Variants in KDM6B observed in about 807,000 individuals in gnomAD.
The protein encoded by KDM6B is lysine-specific demethylase 6B.
KDM6B carries 22 observed loss-of-function variants against 150.4 expected under a neutral mutation model. The observed-to-expected ratio is 0.15, with a 90% CI of 0.10 to 0.21. KDM6B has a LOEUF of 0.21. Ranked by LOEUF, KDM6B falls within the 10% of genes least tolerant of loss-of-function variation. The pLI is 1.00. For synonymous variants in KDM6B, 1,148 were observed against 921.1 expected (o/e 1.25, Z -4.46); for missense variants, 1,984 against 2,234.3 (o/e 0.89, Z 2.26).
Position 7,853,036 on chromosome 17 carries a change from G to A in KDM6B, c.4647G>A (p.Val1549=). The A allele has an allele frequency of 3.1e-6, 5 of 1,614,076 alleles. No homozygotes were observed. Among genetic ancestry groups the A allele is most frequent in the Non-Finnish European group, 3.4e-6 (4 of 1,180,022 alleles). ...CLLQSMKHCQ[V]QRESLVRAGK... is the part of the protein sequence containing the mutation. Reference sequence around the variant, plus strand: ...TGCAGTCCATGAAGCACTGCCAGGTGCAACGCGAGAGCCTGGTGCGGGCAG... The same window carrying A: ...TGCAGTCCATGAAGCACTGCCAGGTACAACGCGAGAGCCTGGTGCGGGCAG... Residue 1549 remains valine (V), a synonymous_variant, in exon 22 of 24, where the codon GTG becomes GTA. Coordinates refer to ENST00000448097, the MANE Select transcript of KDM6B (RefSeq NM_001348716.2).
Position 7,843,659 on chromosome 17 carries a change from GGC to G in KDM6B, c.-268-1239_-268-1238del, listed in dbSNP as rs925868253. Among the ~76,000 whole-genome samples the G allele has an allele frequency of 6.6e-6, 1 of 151,880 alleles. No individual in the cohort carries two copies. The highest frequency in any genetic ancestry group is 2.4e-5 in the African/African-American group (1 of 41,358). On this transcript the variant is annotated intron_variant, in intron 2 of 23. Coordinates refer to ENST00000448097, the MANE Select transcript of KDM6B (RefSeq NM_001348716.2). This position sits in a 1 kb window ranked among gnomAD's most constrained non-coding sequence, Gnocchi z 4.5. ...CGCACTCTCCCCCGGCTTCCTGCCC[GGC>G]GCTCGCTCCAGCTGGAGCGCTGGCC...
In KDM6B at chr17:7,847,481, G is replaced by T. The variant is rs568432440; in HGVS notation, c.1257+29G>T. ...AGTGACAACTGAGGGTGGAGGGGGG[G>T]ATGGGTGGAGCTTGTCTTGAGGCAG... On this transcript the variant is annotated intron_variant, in intron 11 of 23. Transcript: ENST00000448097. 5 of 1,613,408 alleles carry T rather than the reference G, an allele frequency of 3.1e-6. No homozygotes were observed. In the South Asian group the frequency reaches 4.4e-5, roughly 14 times the overall value.
At position 7,847,703 on chromosome 17, in the gene KDM6B, C is replaced by A; in HGVS notation, c.1415C>A (p.Pro472His). 6.5e-7 allele frequency: 1 copy of A among 1,542,708 alleles called. No homozygotes were observed. The highest frequency in any genetic ancestry group is 8.8e-7 in the Non-Finnish European group (1 of 1,142,768). The change falls in exon 12 of 24, where the codon CCC becomes CAC. Residue 472 changes from proline (P) to histidine (H), a missense_variant. Coordinates refer to ENST00000448097, the MANE Select transcript of KDM6B (RefSeq NM_001348716.2). ...PPGPSSPPPP[P>H]CPRLLRPPPP... The stretch of plus-strand genomic sequence containing the variant: ...GGACCTTCCTCACCCCCTCCACCCC[C>A]CTGTCCCCGCCTCTTACGCCCCCCA...
Position 7,853,176 on chromosome 17 carries a change from C to T in KDM6B, c.4738-34C>T, listed in dbSNP as rs2078737288. ...TCCCTGAGTGTCCACAGTGGCCCTC[C>T]CTCCCCCTGACTGCACTGTCCTCCC... On this transcript the variant is annotated intron_variant, in intron 22 of 23. Coordinates refer to ENST00000448097, the MANE Select transcript of KDM6B (RefSeq NM_001348716.2). 6 of 1,613,906 alleles carry T rather than the reference C, an allele frequency of 3.7e-6. No individual in the cohort carries two copies. The Middle Eastern group carries it at 6.6e-4, about 178-fold the overall frequency.
chr17:7,846,381 C>CCGG lies in KDM6B; in HGVS notation c.457-19_457-18insCGG. 1 of 1,529,376 alleles carries CCGG rather than the reference C, an allele frequency of 6.5e-7. No homozygotes were observed. Among genetic ancestry groups the CCGG allele is most frequent in the Non-Finnish European group, 8.9e-7 (1 of 1,123,084 alleles). The allele number at this position is 1,529,376 out of a possible 1,614,324, so 94.7% of individuals were successfully genotyped here. A position where few individuals can be genotyped will look rare whatever the true frequency, so the allele number is the denominator to read the frequency against. ...CCCCACCTGACATCTGCCCCTGCCC[C>CCGG]GTGTCCCCCCACCCCCAGGCCCAGC... is the stretch of plus-strand genomic sequence containing the variant. On this transcript the variant is annotated intron_variant, in intron 7 of 23. Coordinates refer to ENST00000448097, the MANE Select transcript of KDM6B (RefSeq NM_001348716.2).
In KDM6B at chr17:7,849,163, AAGG is replaced by A. The variant is rs756244652; in HGVS notation, c.2882_2884del (p.Glu961del). ...GCGACTGCTGCCCCCCGCACAGGCCAAGGAGGAGGCTGGCGGGGTGGCGGCAGT... is the reference window on the plus strand; with the variant it reads ...GCGACTGCTGCCCCCCGCACAGGCCAAGGAGGCTGGCGGGGTGGCGGCAGT... On this transcript the variant is annotated inframe_deletion, in exon 12 of 24. Transcript: ENST00000448097. 1 of 1,611,174 alleles carries A rather than the reference AAGG, an allele frequency of 6.2e-7. No homozygotes were observed. Among genetic ancestry groups the A allele is most frequent in the Non-Finnish European group, 8.5e-7 (1 of 1,179,312 alleles).
chr17:7,851,622 C>G, intron 17 of KDM6B, 26 bp from the exon 18 acceptor site: 1 of 1,600,786 alleles, frequency 6.2e-7, no homozygotes, highest in Non-Finnish European at 8.5e-7. Context: ...CGGGGTGTAG[C>G]CTCTCGTCGC....
Position 7,854,743 on chromosome 17 carries a change from T to G in KDM6B, c.*1222T>G. On this transcript the variant is annotated 3_prime_UTR_variant, in exon 24 of 24. Coordinates refer to ENST00000448097, the MANE Select transcript of KDM6B (RefSeq NM_001348716.2). ...GGGTCTTCCCAACCCTACCCCTATT[T>G]TCGGTGATTTTTGTGTGAGAATATT... is the stretch of plus-strand genomic sequence containing the variant. The G allele has an allele frequency of 3.7e-6, 1 of 269,926 alleles. No individual in the cohort carries two copies. The highest frequency in any genetic ancestry group is 2.2e-5 in the African/African-American group (1 of 44,972). The allele number at this position is 269,926 out of a possible 1,614,324, so 16.7% of individuals were successfully genotyped here. A position where few individuals can be genotyped will look rare whatever the true frequency, so the allele number is the denominator to read the frequency against.
In KDM6B at chr17:7,842,060, C is replaced by T. The variant is rs564836874; in HGVS notation, c.-269+2036C>T. Reference sequence around the variant, plus strand: ...GGCTAGGTAAAACCCTATCTGCGGGCTCTTGTCTCTGGCCGTCACGTGAGT... The same window carrying T: ...GGCTAGGTAAAACCCTATCTGCGGGTTCTTGTCTCTGGCCGTCACGTGAGT... On this transcript the variant is annotated intron_variant, in intron 2 of 23. Transcript: ENST00000448097. Among the ~76,000 whole-genome samples the T allele has an allele frequency of 1.2e-3, 186 of 152,380 alleles. 2 individuals carry two copies. The highest frequency in any genetic ancestry group is 4.4e-3 in the African/African-American group (183 of 41,606).
At position 7,854,695 on chromosome 17, in the gene KDM6B, G is replaced by C. The variant is rs533962815; in HGVS notation, c.*1174G>C. ...CAGTCCCGCACCCTCGCACTGCACT[G>C]TCTCTCTGCCCCAGGGGCAGAGGGG... On this transcript the variant is annotated 3_prime_UTR_variant, in exon 24 of 24. Transcript: ENST00000448097. 4.2e-5 allele frequency: 9 copies of C among 213,712 alleles called. No homozygotes were observed. Among genetic ancestry groups the C allele is most frequent in the South Asian group, 1.9e-4 (3 of 15,608 alleles). 13.2% of individuals were successfully genotyped at this position (213,712 alleles called of 1,614,324 possible).
chr17:7,837,530 G>A (rs527926455), intron 1 of KDM6B, among the ~76,000 whole-genome samples: 1 of 152,108 alleles, frequency 6.6e-6, no homozygotes. Context: ...GGAATGAATC[G>A]GTTTGTGCTT....
In KDM6B at chr17:7,853,293, G is replaced by T; in HGVS notation, c.4821G>T (p.Arg1607=). The T allele has an allele frequency of 6.2e-7, 1 of 1,604,162 alleles. No individual in the cohort carries two copies. Among genetic ancestry groups the T allele is most frequent in the Non-Finnish European group, 8.5e-7 (1 of 1,176,104 alleles). ...TYLVHCEGCA[R]RRSAGLQGVV... ...TGGTACACTGCGAGGGCTGTGCCCG[G>T]CGCCGCAGCGCAGGCCTGCAGGGCG... The change falls in exon 23 of 24, where the codon CGG becomes CGT. Residue 1607 remains arginine, a synonymous_variant. Coordinates refer to ENST00000448097, the MANE Select transcript of KDM6B (RefSeq NM_001348716.2).
chr17:7,850,238 C>T (rs1262310338), intron 14 of KDM6B, 61 bp downstream of exon 14: 34 of 1,370,900 alleles, frequency 2.5e-5, no homozygotes, highest in Non-Finnish European at 3.5e-5. Flanking sequence ...ATGTAGGACC[C>T]TCTGAGAAAT....
rs745665922 is a variant in KDM6B at position 7,849,186 on chromosome 17, G to A, written c.2898G>A (p.Ala966=). ...CCAAGGAGGAGGCTGGCGGGGTGGC[G>A]GCAGTGTCAGGCAGCTGTAAGCGGC... ...AQAKEEAGGV[A]AVSGSCKRRQ... The change falls in exon 12 of 24, where the codon GCG becomes GCA. Residue 966 remains alanine, a synonymous_variant. Coordinates refer to ENST00000448097, the MANE Select transcript of KDM6B (RefSeq NM_001348716.2). 9 of 1,605,870 alleles carry A rather than the reference G, an allele frequency of 5.6e-6. No homozygotes were observed. The highest frequency in any genetic ancestry group is 2.7e-5 in the African/African-American group (2 of 74,768).
At position 7,847,936 on chromosome 17, in the gene KDM6B, A is replaced by G. The variant is rs1361566141; in HGVS notation, c.1648A>G (p.Thr550Ala). 1.9e-6 allele frequency: 3 copies of G among 1,563,884 alleles called. No individual in the cohort carries two copies. Among genetic ancestry groups the G allele is most frequent in the South Asian group, 1.1e-5 (1 of 89,998 alleles). Reference sequence around the variant, plus strand: ...CACCCCTCCCACTCCCCCAACCCCAACCACCAGCAGTAGCAACAGCAACAG... The same window carrying G: ...CACCCCTCCCACTCCCCCAACCCCAGCCACCAGCAGTAGCAACAGCAACAG... Reference protein sequence around the residue: ...SHTPPTPPTPTTSSSNSNSGS... With the variant: ...SHTPPTPPTPATSSSNSNSGS... The change falls in exon 12 of 24, where the codon ACC (threonine) becomes GCC (alanine). Residue 550 changes from threonine (T) to alanine (A), a missense_variant. Around this residue, in one of 13 missense-constraint regions of KDM6B, gnomAD observed 1,379 missense variants for 1,275.6 expected, o/e 1.08. Coordinates refer to ENST00000448097, the MANE Select transcript of KDM6B (RefSeq NM_001348716.2).
At chr17:7,837,038 G>A (rs534111567) in intron 1 of KDM6B, among the ~76,000 whole-genome samples, 1 of 152,278 alleles carries the variant, frequency 6.6e-6, no homozygotes, top group African/African-American at 2.4e-5. Flanking sequence ...GGAGTTTTGT[G>A]AGGGGGAGGG....
intron 1 of KDM6B, among the ~76,000 whole-genome samples, chr17:7,838,707 C>T (rs2078371148): frequency 6.7e-6 from 1 of 150,110 alleles, no homozygotes; most frequent in Non-Finnish European, 1.5e-5. Context: ...CCCCCCAGCA[C>T]AACCGCAGAA....
In KDM6B at chr17:7,848,115, C is replaced by A; in HGVS notation, c.1827C>A (p.Ala609=). 1 of 1,613,026 alleles carries A rather than the reference C, an allele frequency of 6.2e-7. No homozygotes were observed. Among genetic ancestry groups the A allele is most frequent in the Non-Finnish European group, 8.5e-7 (1 of 1,179,826 alleles). The part of the protein sequence containing the change: ...LVPLTLALPP[A]PPSSCHQNTS... ...CCCTGACTCTTGCCCTGCCTCCAGC[C>A]CCTCCTTCCTCCTGCCACCAAAATA... The change falls in exon 12 of 24, where the codon GCC becomes GCA. Residue 609 remains alanine, a synonymous_variant. Transcript: ENST00000448097.
In KDM6B at chr17:7,852,340, A is replaced by G; in HGVS notation, c.4468+4A>G. On this transcript the variant is annotated splice_donor_region_variant and intron_variant, in intron 20 of 23. Transcript: ENST00000448097. ...TGGAACGTGGGGCCCCTCACCGGTG[A>G]GAGGGTGGGGCAGGTGTTGGCGTGG... 1.2e-6 allele frequency: 2 copies of G among 1,611,134 alleles called. No individual in the cohort carries two copies. Among genetic ancestry groups the G allele is most frequent in the African/African-American group, 1.3e-5 (1 of 74,886 alleles).
Sources: gnomAD v4.1 joint callset for allele counts (sites outside exome capture counted in the v4.1 genomes callset) on GRCh38, gnomAD v4.1.1 for gene constraint, gnomAD v4.1.1 regional missense constraint, Gnocchi (gnomAD v3.1) non-coding constraint, MANE v1.5 for transcripts, NCBI Gene and HGNC (gene_info 2026-07-23, HGNC 2026-07-21) for gene names.